Variants in SHROOM4 observed in about 807,000 individuals in gnomAD.
SHROOM4 encodes the protein shroom family member 4, also known as protein Shroom4.
A neutral mutation model predicts 80.3 loss-of-function variants in SHROOM4; 17 were observed. The observed-to-expected ratio is 0.21, with a 90% CI of 0.14 to 0.32. The LOEUF (loss-of-function observed/expected upper bound fraction) is 0.32. Among genes scored for constraint, SHROOM4 ranks in the 10% least tolerant of loss-of-function variants. The pLI is 1.00. For missense variants in SHROOM4, 993 were observed against 1,140.3 expected (o/e 0.87, Z 1.86); for synonymous variants, 400 against 437.5 (o/e 0.91, Z 1.07).
intron 1 of SHROOM4, among the ~76,000 whole-genome samples, chrX:50,813,475 GA>G (rs1557273676): frequency 8.9e-6 from 1 of 112,459 alleles, no homozygotes; most frequent in African/African-American, 3.2e-5. Flanking sequence ...CCGGTCGATA[GA>G]GGGGACAACG....
At chrX:50,643,100 T>C (rs1931667315) in intron 2 of SHROOM4, among the ~76,000 whole-genome samples, 1 of 111,494 alleles carries the variant, frequency 9.0e-6, no homozygotes, top group Non-Finnish European at 1.9e-5. Context: ...CGACCAACCA[T>C]GCAGCTCTAG....
chrX:50,686,397 C>A (rs1478864281), intron 2 of SHROOM4, among the ~76,000 whole-genome samples: 1 of 111,038 alleles, frequency 9.0e-6, no homozygotes, highest in African/African-American at 3.3e-5. Flanking sequence ...TAAGTACTGC[C>A]TTCCTTTTAC....
intron 1 of SHROOM4, among the ~76,000 whole-genome samples, chrX:50,728,949 A>G (rs1452818200): frequency 2.8e-5 from 3 of 108,635 alleles, no homozygotes; most frequent in Non-Finnish European, 5.7e-5. Flanking sequence ...TACTGGAAAT[A>G]GACTATCAAG....
chrX:50,607,451 G>T lies in SHROOM4; in HGVS notation c.3691C>A (p.Gln1231Lys), dbSNP rs782634752. The change falls in exon 6 of 9, where the codon CAG becomes AAG. Residue 1231 changes from glutamine to lysine, a missense_variant. Coordinates refer to ENST00000376020, the MANE Select transcript of SHROOM4 (RefSeq NM_020717.5). ...CCAATGCCATAGTAGCAAGGGGGCT[G>T]AGCCTGCTCAGGTTGAGATCCCAAG... ...GHLGSQPEQA[Q>K]PPCYYGIGGL... is the part of the protein sequence containing the mutation. 1 of 1,211,687 alleles carries T rather than the reference G, an allele frequency of 8.3e-7. No homozygotes were observed. Among genetic ancestry groups the T allele is most frequent in the Admixed American group, 2.2e-5 (1 of 46,023 alleles).
chrX:50,710,580 A>G (rs1157124720), intron 1 of SHROOM4, among the ~76,000 whole-genome samples: 1 of 111,514 alleles, frequency 9.0e-6, no homozygotes. Context: ...TACCTAGGTG[A>G]CGGGATCAAT....
At chrX:50,781,487 C>T (rs1184600883) in intron 1 of SHROOM4, among the ~76,000 whole-genome samples, 1 of 110,938 alleles carries the variant, frequency 9.0e-6, no homozygotes, top group Non-Finnish European at 1.9e-5. Context: ...GGCCTCCCAG[C>T]TATTCCAGAT....
At chrX:50,708,639 T>C (rs1038787461) in intron 1 of SHROOM4, among the ~76,000 whole-genome samples, 1 of 112,148 alleles carries the variant, frequency 8.9e-6, no homozygotes, top group Non-Finnish European at 1.9e-5. Flanking sequence ...GCACGCCCAT[T>C]AGCACAAGCC....
chrX:50,613,247 A>G (rs1445995539), intron 5 of SHROOM4, among the ~76,000 whole-genome samples: 8 of 110,916 alleles, frequency 7.2e-5, no homozygotes, highest in African/African-American at 9.9e-5. Context: ...CCAAGTAGCT[A>G]GGACTATAGG....
In SHROOM4 at chrX:50,634,264, G is replaced by A. The variant is rs1557255116; in HGVS notation, c.1809C>T (p.Leu603=). Residue 603 remains leucine, a synonymous_variant, in exon 4 of 9, where the codon CTC becomes CTT. Transcript: ENST00000376020. ...GTGACAAGGGACCCTTGCTTTTCTG[G>A]AGCTGGGCCTTCCTCCTCTGAATTT... ...RNEIQRRKAQ[L]QKSKGPLSQL... is the part of the protein sequence containing the mutation. 8.3e-7 allele frequency: 1 copy of A among 1,211,400 alleles called. No individual in the cohort carries two copies. The highest frequency in any genetic ancestry group is 1.1e-6 in the Non-Finnish European group (1 of 895,463).
intron 2 of SHROOM4, among the ~76,000 whole-genome samples, chrX:50,675,540 A>G (rs1218940067): frequency 9.0e-6 from 1 of 110,748 alleles, no homozygotes; most frequent in Non-Finnish European, 1.9e-5. Context: ...TTGTTTCTGG[A>G]TGGGGGGAAA....
rs781965966 is a variant in SHROOM4 at position 50,666,892 on chromosome X, T to C, written c.270-28584A>G. On this transcript the variant is annotated intron_variant, in intron 2 of 8. Coordinates refer to ENST00000376020, the MANE Select transcript of SHROOM4 (RefSeq NM_020717.5). ...CTACCATGTATAACTTCTCAAAGAC[T>C]ATTCAAAGGCATTCATTAACTTTAT... Among the ~76,000 whole-genome samples the C allele has an allele frequency of 2.7e-5, 3 of 111,498 alleles. No homozygotes were observed. In the South Asian group the frequency reaches 1.1e-3, roughly 42 times the overall value.
chrX:50,724,458 GTTTC>G (rs375148878), intron 1 of SHROOM4, among the ~76,000 whole-genome samples: 3,214 of 111,809 alleles, frequency 0.029, 52 homozygotes, highest in Middle Eastern at 0.069. Flanking sequence ...TGTCCTTTCA[GTTTC>G]TTTCTTTCTT....
chrX:50,613,274 C>T (rs1010830228), intron 5 of SHROOM4, among the ~76,000 whole-genome samples: 10 of 111,115 alleles, frequency 9.0e-5, no homozygotes, highest in East Asian at 5.7e-4. Flanking sequence ...CCACCATACC[C>T]GGCTAATTTT....
chrX:50,607,935 G>T lies in SHROOM4; in HGVS notation c.3207C>A (p.Ser1069Arg), dbSNP rs1324837830. The change falls in exon 6 of 9, where the codon AGC becomes AGA. Residue 1069 changes from serine (S) to arginine (R), a missense_variant. Ser to Arg is a moderately radical substitution (Grantham distance 110, BLOSUM62 -1). Transcript: ENST00000376020. ...TCCTATGCTGCCCCCAGGCCCGGGT[G>T]CTTTGGGGCGCCAAGCTGATGTGAC... is the stretch of plus-strand genomic sequence containing the variant. ...SESHISLAPQ[S>R]TRAWGQHRRE... is the part of the protein sequence containing the mutation. The T allele has an allele frequency of 1.7e-6, 2 of 1,210,093 alleles. No individual in the cohort carries two copies. The highest frequency in any genetic ancestry group is 2.2e-6 in the Non-Finnish European group (2 of 895,275).
At chrX:50,632,637 A>G (rs1187298847) in intron 4 of SHROOM4, among the ~76,000 whole-genome samples, 3 of 112,417 alleles carry the variant, frequency 2.7e-5, no homozygotes, top group Non-Finnish European at 5.6e-5. Context: ...AAGCCTGGGG[A>G]TATTTGCAAG....
At chrX:50,608,235 C>T (rs782284612) in intron 5 of SHROOM4, 51 bp from the exon 6 acceptor site, 4 of 1,132,098 alleles carry the variant, frequency 3.5e-6, no homozygotes, top group Non-Finnish European at 4.8e-6. Context: ...TGCAGATAGG[C>T]CCATATTTTG....
intron 2 of SHROOM4, among the ~76,000 whole-genome samples, chrX:50,680,049 T>C (rs910807292): frequency 8.9e-6 from 1 of 112,156 alleles, no homozygotes; most frequent in African/African-American, 3.2e-5. Flanking sequence ...CATCAACATT[T>C]GACACAGCTG....
chrX:50,762,721 C>T (rs190996494), intron 1 of SHROOM4, among the ~76,000 whole-genome samples: 49 of 111,764 alleles, frequency 4.4e-4, no homozygotes, highest in Admixed American at 3.7e-3. Context: ...CATCCCTTTG[C>T]CTTCTGGTCT....
chrX:50,720,101 G>T (rs1017405200), intron 1 of SHROOM4, among the ~76,000 whole-genome samples: 9 of 111,309 alleles, frequency 8.1e-5, no homozygotes, highest in African/African-American at 2.9e-4. Flanking sequence ...AGACTAGGGG[G>T]AGCATGTTTG....
Sources: allele counts gnomAD v4.1 joint callset (sites outside exome capture counted in the v4.1 genomes callset), GRCh38; gene constraint gnomAD v4.1.1; transcripts MANE v1.5; gene names NCBI Gene and HGNC (gene_info 2026-07-23, HGNC 2026-07-21).